GPHN: variants seen among roughly 807,000 people sequenced by gnomAD.
The protein encoded by GPHN is gephyrin.
In GPHN, 17 loss-of-function variants were observed where a neutral mutation model predicts 95.5. The observed-to-expected ratio is 0.18, with a 90% CI of 0.12 to 0.27. The LOEUF is 0.27. Among genes scored for constraint, GPHN ranks in the 10% least tolerant of loss-of-function variants. The pLI, the probability that GPHN is intolerant of heterozygous loss-of-function variation, is 1.00. For missense variants in GPHN, 660 were observed against 978.1 expected, an observed-to-expected ratio of 0.67 and a Z score of 4.34; for synonymous variants, 320 against 322.5, an observed-to-expected ratio of 0.99 and a Z score of 0.08.
Position 66,508,402 on chromosome 14 carries a change from C to T in GPHN, c.-126C>T, listed in dbSNP as rs142456097. The T allele has an allele frequency of 2.4e-3, 2,045 of 868,482 alleles. 4 individuals are homozygous for T. The highest frequency in any genetic ancestry group is 3.8e-3 in the Middle Eastern group (16 of 4,170). The allele number at this position is 868,482 out of a possible 1,614,324, so 53.8% of individuals were successfully genotyped here. On this transcript the variant is annotated 5_prime_UTR_variant, in exon 1 of 23. Transcript: ENST00000478722. ...ACTCTGTGGCCTCCCCCTCCTTCCC[C>T]GCTCTCCTCGCGCTTCTCTGGCTCC...
At chr14:66,936,181 C>T (rs2067124890) in intron 8 of GPHN, among the ~76,000 whole-genome samples, 2 of 152,064 alleles carry the variant, frequency 1.3e-5, no homozygotes, top group African/African-American at 2.4e-5. Context: ...GAGTTTGAGT[C>T]CAGCCTAGCC....
At chr14:66,696,598 A>T (rs1016329733) in intron 2 of GPHN, among the ~76,000 whole-genome samples, 1 of 152,246 alleles carries the variant, frequency 6.6e-6, no homozygotes, top group Admixed American at 6.5e-5. Context: ...GAAAGCTTAT[A>T]CTATAACCAC....
chr14:67,603,884 T>C, the GPHN span, among the ~76,000 whole-genome samples: 2 of 152,226 alleles, frequency 1.3e-5, no homozygotes, highest in Non-Finnish European at 2.9e-5. Context: ...TTTCTCCATG[T>C]TGGTCAGGCT....
At chr14:66,742,550 T>A (rs1312733106) in intron 2 of GPHN, among the ~76,000 whole-genome samples, 1 of 152,146 alleles carries the variant, frequency 6.6e-6, no homozygotes, top group African/African-American at 2.4e-5. Flanking sequence ...ATAGTAGAAT[T>A]GATTTTTAGA....
intron 4 of GPHN, among the ~76,000 whole-genome samples, chr14:66,866,750 A>G (rs984712834): frequency 6.6e-6 from 1 of 152,192 alleles, no homozygotes; most frequent in Admixed American, 6.5e-5. Flanking sequence ...CCAGCATTGA[A>G]ATAAATTCTT....
the GPHN span, among the ~76,000 whole-genome samples, chr14:67,526,297 C>T: frequency 2.2e-5 from 3 of 139,528 alleles, no homozygotes; most frequent in South Asian, 6.4e-4. Flanking sequence ...AAAAAGGATC[C>T]TTGACTTGCA....
chr14:67,164,380 T>C (rs1365794522), intron 19 of GPHN, among the ~76,000 whole-genome samples: 1 of 151,988 alleles, frequency 6.6e-6, no homozygotes, highest in Non-Finnish European at 1.5e-5. Context: ...TTTATGTCTA[T>C]GCTAAGGATA....
At chr14:66,797,601 G>A (rs1186939492) in intron 3 of GPHN, among the ~76,000 whole-genome samples, 2 of 151,706 alleles carry the variant, frequency 1.3e-5, no homozygotes, top group Non-Finnish European at 3.0e-5. Flanking sequence ...TATTGTAAAT[G>A]GGGTTATTTT....
chr14:66,722,361 T>G (rs753571389), intron 2 of GPHN, among the ~76,000 whole-genome samples: 7 of 152,194 alleles, frequency 4.6e-5, no homozygotes, highest in Non-Finnish European at 1.0e-4. Flanking sequence ...AGACAGGTAA[T>G]CCAAGAAAAG....
chr14:66,629,084 T>TATATATATATAA (rs2063632361), intron 1 of GPHN, among the ~76,000 whole-genome samples: 1 of 115,702 alleles, frequency 8.6e-6, no homozygotes, highest in Non-Finnish European at 1.6e-5. Context: ...AAAATACATA[T>TATATATATATAA]ATATATATAT....
At chr14:67,491,899 G>A in the GPHN span, among the ~76,000 whole-genome samples, 3 of 152,222 alleles carry the variant, frequency 2.0e-5, no homozygotes, top group Non-Finnish European at 4.4e-5. Flanking sequence ...GGCCGCGGGG[G>A]CCTGCCTGGC....
intron 9 of GPHN, among the ~76,000 whole-genome samples, chr14:67,020,750 A>G (rs928011520): frequency 5.3e-5 from 8 of 152,140 alleles, no homozygotes; most frequent in Non-Finnish European, 7.4e-5. Context: ...TTATTTGTCA[A>G]TACTGTAAAG....
At chr14:67,230,906 G>C in the GPHN span, among the ~76,000 whole-genome samples, 1 of 152,162 alleles carries the variant, frequency 6.6e-6, no homozygotes, top group Admixed American at 6.5e-5. Context: ...AATTGCATGC[G>C]ATTCTAAGTA....
At chr14:66,612,777 C>G (rs2062838593) in intron 1 of GPHN, among the ~76,000 whole-genome samples, 1 of 152,002 alleles carries the variant, frequency 6.6e-6, no homozygotes, top group Non-Finnish European at 1.5e-5. Flanking sequence ...TTTGTTTTAC[C>G]TTTCTTGTTC....
the GPHN span, among the ~76,000 whole-genome samples, chr14:67,431,446 T>G: frequency 6.7e-6 from 1 of 149,322 alleles, no homozygotes; most frequent in Non-Finnish European, 1.5e-5. Context: ...CCCAGCATTT[T>G]GGGAGGCCAA....
intron 17 of GPHN, among the ~76,000 whole-genome samples, chr14:67,141,415 T>G (rs1156485683): frequency 1.3e-5 from 2 of 152,210 alleles, no homozygotes; most frequent in Non-Finnish European, 2.9e-5. Flanking sequence ...TTTGCCAGTT[T>G]GTTGGGTATG....
At chr14:67,555,168 T>C in the GPHN span, among the ~76,000 whole-genome samples, 22 of 152,340 alleles carry the variant, frequency 1.4e-4, no homozygotes, top group African/African-American at 5.1e-4. Flanking sequence ...TCTTCCCGCC[T>C]TAGGCTTCCA....
chr14:67,184,857 T>C (rs530319092), downstream of GPHN, among the ~76,000 whole-genome samples: 117 of 152,112 alleles, frequency 7.7e-4, 1 homozygote, highest in African/African-American at 2.8e-3. Context: ...GGACAGGCCT[T>C]GGGGTGTTGG....
the GPHN span, among the ~76,000 whole-genome samples, chr14:67,640,626 G>A: frequency 2.6e-5 from 4 of 152,074 alleles, no homozygotes; most frequent in African/African-American, 7.2e-5. Context: ...ATTAAGATAC[G>A]CCACGTCTTA....
Sources: allele counts gnomAD v4.1 joint callset (sites outside exome capture counted in the v4.1 genomes callset), GRCh38; gene constraint gnomAD v4.1.1; transcripts MANE v1.5; gene names NCBI Gene and HGNC (gene_info 2026-07-23, HGNC 2026-07-21).